Variants in RELCH observed in about 807,000 individuals in gnomAD.
RELCH encodes RAB11-binding protein RELCH.
A neutral mutation model predicts 150.3 loss-of-function variants in RELCH; 41 were observed. The observed-to-expected ratio is 0.27, with a 90% CI of 0.21 to 0.35. RELCH has a LOEUF of 0.35. Ranked by LOEUF, RELCH falls within the 10% of genes least tolerant of loss-of-function variation. The probability of loss-of-function intolerance (pLI) is 1.00; values close to 1 mark genes in which losing one functional copy is unlikely to be tolerated. For missense variants in RELCH, 1,092 were observed against 1,467.8 expected, an observed-to-expected ratio of 0.74 and a Z score of 4.18; for synonymous variants, 478 against 531.8, an observed-to-expected ratio of 0.90 and a Z score of 1.39.
intron 1 of RELCH, among the ~76,000 whole-genome samples, chr18:62,207,721 G>A (rs1227746529): frequency 1.3e-5 from 2 of 152,210 alleles, no homozygotes; most frequent in African/African-American, 4.8e-5. Flanking sequence ...GTACAATTTG[G>A]TGGTTCTCTG....
intron 15 of RELCH, 72 bp downstream of exon 15, chr18:62,258,748 T>C: frequency 9.2e-7 from 1 of 1,082,654 alleles, no homozygotes; most frequent in East Asian, 2.9e-5. Flanking sequence ...TGGAACAATG[T>C]TAGAGAACAG....
At chr18:62,245,143 A>G (rs984633004) in intron 11 of RELCH, among the ~76,000 whole-genome samples, 2 of 152,178 alleles carry the variant, frequency 1.3e-5, no homozygotes, top group Non-Finnish European at 2.9e-5. Flanking sequence ...ACTGCAACAA[A>G]AAAAACAGAT....
chr18:62,266,058 G>A (rs1174791084), intron 18 of RELCH, among the ~76,000 whole-genome samples: 1 of 151,344 alleles, frequency 6.6e-6, no homozygotes, highest in Non-Finnish European at 1.5e-5. Context: ...TTTTAGAAAA[G>A]CAAGTAGGAA....
chr18:62,282,199 G>A (rs2044551890), intron 24 of RELCH, 107 bp from the exon 25 acceptor site: 1 of 794,840 alleles, frequency 1.3e-6, no homozygotes, highest in Non-Finnish European at 2.0e-6. Flanking sequence ...ACTATAGGTT[G>A]CTTTAATCCA....
chr18:62,231,090 A>T (rs775001485), intron 8 of RELCH, 104 bp from the exon 9 acceptor site: 4 of 731,394 alleles, frequency 5.5e-6, no homozygotes, highest in Non-Finnish European at 9.1e-6. Flanking sequence ...TTTGTGGGGT[A>T]GGATTAATGC....
intron 1 of RELCH, among the ~76,000 whole-genome samples, chr18:62,199,075 T>A (rs550753220): frequency 6.6e-6 from 1 of 151,084 alleles, no homozygotes; most frequent in African/African-American, 2.4e-5. Flanking sequence ...TATATTAATA[T>A]TCTATTTTCT....
chr18:62,277,172 G>A (rs949476006), intron 22 of RELCH, among the ~76,000 whole-genome samples: 2 of 151,864 alleles, frequency 1.3e-5, no homozygotes, highest in African/African-American at 2.4e-5. Context: ...GAGGTTTTTT[G>A]CTTGTTTTGT....
chr18:62,237,098 T>A (rs879741281), intron 10 of RELCH, among the ~76,000 whole-genome samples: 1 of 151,850 alleles, frequency 6.6e-6, no homozygotes, highest in African/African-American at 2.4e-5. Flanking sequence ...TTGTGAATGT[T>A]CCATTTTTCT....
intron 28 of RELCH, chr18:62,300,273 A>G (rs1349922525): frequency 2.0e-5 from 3 of 152,164 alleles, no homozygotes; most frequent in Non-Finnish European, 4.4e-5. Flanking sequence ...ATTCACGGCA[A>G]GCTTCTGTTC....
chr18:62,233,110 G>T (rs2148441478), intron 10 of RELCH, among the ~76,000 whole-genome samples: 1 of 151,610 alleles, frequency 6.6e-6, no homozygotes, highest in East Asian at 1.9e-4. Flanking sequence ...TATCTTTATT[G>T]TTGTTATTTA....
Position 62,307,622 on chromosome 18 carries a change from C to G in RELCH, c.*2088C>G, listed in dbSNP as rs1394365964. 6.6e-6 allele frequency: 1 copy of G among 152,046 alleles called. No homozygotes were observed. The highest frequency in any genetic ancestry group is 2.4e-5 in the African/African-American group (1 of 41,406). 9.4% of individuals were successfully genotyped at this position (152,046 alleles called of 1,614,324 possible). ...CTTGTCTTTACAGACAAGACAGACA[C>G]TAATCATTGAGACTGAGATTTGGAC... On this transcript the variant is annotated 3_prime_UTR_variant, in exon 29 of 29. Transcript: ENST00000644646.
chr18:62,245,218 C>T (rs59847621), intron 11 of RELCH, among the ~76,000 whole-genome samples: 9,145 of 152,204 alleles, frequency 0.06, 917 homozygotes, highest in African/African-American at 0.21. Context: ...ACAAAAATAG[C>T]TTTCTAAAAT....
intron 2 of RELCH, among the ~76,000 whole-genome samples, chr18:62,220,376 T>TA (rs201254581): frequency 0.086 from 12,976 of 151,166 alleles, 688 homozygotes; most frequent in Middle Eastern, 0.17. Context: ...TTTTTTTTTT[T>TA]TTTTTTTGAT....
At chr18:62,214,772 G>T (rs565968218) in intron 2 of RELCH, among the ~76,000 whole-genome samples, 1 of 152,182 alleles carries the variant, frequency 6.6e-6, no homozygotes, top group Non-Finnish European at 1.5e-5. Flanking sequence ...ACCTGCTGGA[G>T]CCATAGATGG....
intron 2 of RELCH, among the ~76,000 whole-genome samples, chr18:62,212,191 C>T (rs1052383345): frequency 1.4e-4 from 22 of 152,224 alleles, no homozygotes; most frequent in Admixed American, 1.4e-3. Flanking sequence ...CTTTGGAATT[C>T]ACCCCGTTAG....
chr18:62,189,591 G>T (rs1457174998), intron 1 of RELCH, among the ~76,000 whole-genome samples: 1 of 152,082 alleles, frequency 6.6e-6, no homozygotes, highest in Non-Finnish European at 1.5e-5. Context: ...GTTTTCAACC[G>T]TATTAATACA....
chr18:62,295,229 A>G (rs937860840), intron 27 of RELCH, among the ~76,000 whole-genome samples: 7 of 151,964 alleles, frequency 4.6e-5, no homozygotes, highest in African/African-American at 1.7e-4. Context: ...GAGTCTTGCT[A>G]TATAGAACAT....
chr18:62,281,502 T>C lies in RELCH; in HGVS notation c.3114+793T>C, dbSNP rs73462477. ...ACCAAGGTCTTCCTTCTTAAAGGTG[T>C]ATTTTAATTCTGAAACTAATTTCAA... On this transcript the variant is annotated intron_variant, in intron 24 of 28. Transcript: ENST00000644646. 5.7e-3 allele frequency among the ~76,000 whole-genome samples: 876 copies of C among 152,350 alleles called. 11 individuals carry two copies. Among genetic ancestry groups the C allele is most frequent in the East Asian group, 0.038 (195 of 5,190 alleles).
rs1173783525 is a variant in RELCH at position 62,229,203 on chromosome 18, A to G, written c.1448+605A>G. On this transcript the variant is annotated intron_variant, in intron 8 of 28. Coordinates refer to ENST00000644646, the MANE Select transcript of RELCH (RefSeq NM_001346231.2). ...ATTAAAAAATACTTTTAAGAAAGGAATATTACTGAGCTCTTTTTATATGTC... is the reference window on the plus strand; with the variant it reads ...ATTAAAAAATACTTTTAAGAAAGGAGTATTACTGAGCTCTTTTTATATGTC... 3.9e-5 allele frequency among the ~76,000 whole-genome samples: 6 copies of G among 152,204 alleles called. 1 individual carries two copies. The South Asian group carries it at 1.0e-3, about 26-fold the overall frequency.
Sources: gnomAD v4.1 joint callset for allele counts (sites outside exome capture counted in the v4.1 genomes callset) on GRCh38, gnomAD v4.1.1 for gene constraint, MANE v1.5 for transcripts, NCBI Gene and HGNC (gene_info 2026-07-23, HGNC 2026-07-21) for gene names.